The following AK9 variants were observed in gnomAD, a reference collection of about 807,000 sequenced individuals.
AK9 encodes the protein adenylate kinase domain containing 1.
A neutral mutation model predicts 239.6 loss-of-function variants in AK9; 191 were observed. The observed-to-expected ratio is 0.80, with a 90% CI of 0.71 to 0.90. The LOEUF is 0.90. Among genes scored for constraint, AK9 ranks in the 40% least tolerant of loss-of-function variants. The probability of loss-of-function intolerance (pLI) is 0.00; values close to 1 mark genes in which losing one functional copy is unlikely to be tolerated. For synonymous variants in AK9, 689 were observed against 721.0 expected, an observed-to-expected ratio of 0.96 and a Z score of 0.71; for missense variants, 1,995 against 2,214.7, an observed-to-expected ratio of 0.90 and a Z score of 1.99.
chr6:109,550,124 G>A lies in AK9; in HGVS notation c.2930C>T (p.Pro977Leu). The change falls in exon 25 of 41, where the codon CCT becomes CTT. Residue 977 changes from proline (P) to leucine (L), a missense_variant. Pro to Leu is a moderately conservative substitution (Grantham distance 98). Coordinates refer to ENST00000424296, the MANE Select transcript of AK9 (RefSeq NM_001145128.3). The part of the protein sequence containing the change: ...AEAKEKFLEH[P>L]EDYVAHEEPL... Reference sequence around the variant, plus strand: ...TTCTTCATGAGCCACATAATCCTCAGGATGCTCCAAAAACTTTTCTTTAGC... The same window carrying A: ...TTCTTCATGAGCCACATAATCCTCAAGATGCTCCAAAAACTTTTCTTTAGC... 6.2e-7 allele frequency: 1 copy of A among 1,613,868 alleles called. No individual in the cohort carries two copies. Among genetic ancestry groups the A allele is most frequent in the African/African-American group, 1.3e-5 (1 of 74,994 alleles).
intron 8 of AK9, among the ~76,000 whole-genome samples, chr6:109,651,351 A>T (rs1798916663): frequency 6.6e-6 from 1 of 152,256 alleles, no homozygotes; most frequent in Non-Finnish European, 1.5e-5. Context: ...GCAGAAATAA[A>T]GATGTTCTTT....
intron 29 of AK9, chr6:109,527,814 C>G (rs1253710544): frequency 6.6e-6 from 1 of 152,040 alleles, no homozygotes; most frequent in African/African-American, 2.4e-5. Context: ...GAAATCACAC[C>G]ATTCTAATGT....
At chr6:109,494,207 AG>A in intron 39 of AK9, 112 bp from the exon 40 acceptor site, 1 of 666,924 alleles carries the variant, frequency 1.5e-6, no homozygotes, top group Non-Finnish European at 2.6e-6. Flanking sequence ...AGCCCCCTGG[AG>A]TGGGGATGGG....
rs369671013 is a variant in AK9, at chr6:109,572,731, TA to T, written c.2344+710del. On this transcript the variant is annotated intron_variant, in intron 21 of 40. Coordinates refer to ENST00000424296, the MANE Select transcript of AK9 (RefSeq NM_001145128.3). ...TAACTGCTCCAGACTAGCATCCAGT[TA>T]CAGGTATCTGAAGACCTTTTAGTTT... is the stretch of plus-strand genomic sequence containing the variant. Among the ~76,000 whole-genome samples, 48 of 152,318 alleles carry T rather than the reference TA, an allele frequency of 3.2e-4. No individual in the cohort carries two copies. The East Asian group carries it at 6.4e-3, about 20-fold the overall frequency.
intron 5 of AK9, among the ~76,000 whole-genome samples, chr6:109,667,093 G>A (rs75907052): frequency 0.051 from 7,822 of 152,204 alleles, 396 homozygotes; most frequent in East Asian, 0.22. Flanking sequence ...CAACACAATA[G>A]ATTGTGAATG....
intron 12 of AK9, among the ~76,000 whole-genome samples, chr6:109,626,653 T>C (rs1795558498): frequency 6.6e-6 from 1 of 152,248 alleles, no homozygotes; most frequent in Non-Finnish European, 1.5e-5. Context: ...TACAAACCTG[T>C]ACAGCTTGTT....
chr6:109,595,716 C>G (rs1194480631), intron 17 of AK9, among the ~76,000 whole-genome samples: 1 of 152,138 alleles, frequency 6.6e-6, no homozygotes, highest in African/African-American at 2.4e-5. Context: ...ATGGATGAAG[C>G]TGGAAACCAT....
At chr6:109,539,659 T>C (rs1782572019) in intron 27 of AK9, among the ~76,000 whole-genome samples, 1 of 152,252 alleles carries the variant, frequency 6.6e-6, no homozygotes, top group South Asian at 2.1e-4. Context: ...GCTGTGTTCC[T>C]TTGGAGGAGG....
chr6:109,669,779 T>G (rs1467020501), intron 5 of AK9, among the ~76,000 whole-genome samples: 3 of 152,136 alleles, frequency 2.0e-5, no homozygotes, highest in Admixed American at 2.0e-4. Flanking sequence ...CAAACTGTAT[T>G]TAGCCGAGTG....
At position 109,656,684 on chromosome 6, in the gene AK9, T is replaced by C. The variant is rs182374620; in HGVS notation, c.759+72A>G. ...ATAATAACACATGGGGATGAAGACA[T>C]GTGAAAGCTACTTAACCAGTGATGA... On this transcript the variant is annotated intron_variant, in intron 8 of 40. Coordinates refer to ENST00000424296, the MANE Select transcript of AK9 (RefSeq NM_001145128.3). The C allele has an allele frequency of 8.9e-5, 129 of 1,448,744 alleles. No individual in the cohort carries two copies. The East Asian group carries it at 2.6e-3, about 29-fold the overall frequency. The allele number at this position is 1,448,744 out of a possible 1,614,324, so 89.7% of individuals were successfully genotyped here. A position where few individuals can be genotyped will look rare whatever the true frequency, so the allele number is the denominator to read the frequency against.
At chr6:109,600,166 G>A (rs1583195884) in intron 17 of AK9, among the ~76,000 whole-genome samples, 5 of 149,400 alleles carry the variant, frequency 3.3e-5, no homozygotes, top group African/African-American at 7.4e-5. Flanking sequence ...AGTTTTCAAA[G>A]GGAATGCTTC....
chr6:109,614,728 C>G (rs934245163), intron 13 of AK9, among the ~76,000 whole-genome samples: 4 of 152,136 alleles, frequency 2.6e-5, no homozygotes, highest in Non-Finnish European at 5.9e-5. Context: ...AAATACTTAA[C>G]TTGGAAAATG....
chr6:109,514,457 GA>G lies in AK9; in HGVS notation c.4066-21del. ...ACTTAGCTGCAACATATACACAGTT[GA>G]ATTTGAAAGTTAGTTTGAATTTTTA... On this transcript the variant is annotated intron_variant, in intron 31 of 40. Coordinates refer to ENST00000424296, the MANE Select transcript of AK9 (RefSeq NM_001145128.3). 6.7e-7 allele frequency: 1 copy of G among 1,491,804 alleles called. No individual in the cohort carries two copies. 92.4% of individuals were successfully genotyped at this position (1,491,804 alleles called of 1,614,324 possible).
intron 18 of AK9, 109 bp downstream of exon 18, chr6:109,585,807 G>C: frequency 9.9e-7 from 1 of 1,012,834 alleles, no homozygotes; most frequent in Non-Finnish European, 1.4e-6. Flanking sequence ...GGATTGCTGG[G>C]GTGGGTATTT....
intron 29 of AK9, chr6:109,528,546 T>C (rs1348203611): frequency 2.2e-6 from 1 of 456,928 alleles, no homozygotes; most frequent in South Asian, 1.5e-5. Flanking sequence ...CTTTTGGTTG[T>C]GAATATTTTG....
At chr6:109,623,549 C>G (rs1022858761) in intron 12 of AK9, among the ~76,000 whole-genome samples, 2 of 152,074 alleles carry the variant, frequency 1.3e-5, no homozygotes, top group African/African-American at 4.8e-5. Context: ...GACATCTTAC[C>G]TGTAACCTCA....
At chr6:109,679,092 C>T (rs536989523) in intron 1 of AK9, among the ~76,000 whole-genome samples, 3 of 152,238 alleles carry the variant, frequency 2.0e-5, no homozygotes, top group East Asian at 1.9e-4. Flanking sequence ...GCGCCTGGAA[C>T]GCCAGCGAGA....
intron 29 of AK9, chr6:109,528,597 T>C (rs887174586): frequency 2.2e-6 from 1 of 458,434 alleles, no homozygotes; most frequent in South Asian, 1.5e-5. Context: ...GCTTCTGCAA[T>C]GCTTTGTGCC....
chr6:109,666,137 C>T (rs76752383), intron 5 of AK9, among the ~76,000 whole-genome samples: 2,236 of 152,252 alleles, frequency 0.015, 58 homozygotes, highest in African/African-American at 0.051. Context: ...TGGGGCTCTA[C>T]CCTCTGAGAG....
Sources: allele counts gnomAD v4.1 joint callset (sites outside exome capture counted in the v4.1 genomes callset), GRCh38; gene constraint gnomAD v4.1.1; transcripts MANE v1.5; gene names NCBI Gene and HGNC (gene_info 2026-07-23, HGNC 2026-07-21).